The following UBAP2 variants were observed in gnomAD, a reference collection of about 807,000 sequenced individuals.
The protein encoded by UBAP2 is ubiquitin-associated protein 2.
In UBAP2, 75 loss-of-function variants were observed where a neutral mutation model predicts 139.6. That is an observed-to-expected ratio of 0.54 (90% CI 0.45 to 0.65). The LOEUF is 0.65. Among genes scored for constraint, UBAP2 ranks in the 30% least tolerant of loss-of-function variants. The pLI is 0.00. For synonymous variants in UBAP2, 526 were observed against 526.2 expected (o/e 1.00, Z 0.01); for missense variants, 1,368 against 1,369.6 (o/e 1.00, Z 0.02).
At chr9:34,036,804 CTCTTTTTT>C (rs1826416285) in intron 1 of UBAP2, among the ~76,000 whole-genome samples, 1 of 137,886 alleles carries the variant, frequency 7.3e-6, no homozygotes, top group African/African-American at 2.6e-5. Flanking sequence ...TTAAGTTTTT[CTCTTTTTT>C]TTTTTTTTTT....
Position 33,973,232 on chromosome 9 carries a change from C to T in UBAP2, c.526G>A (p.Gly176Arg). The part of the protein sequence containing the change: ...RGKRARGRGF[G>R]RGRGRGAGRF... ...CCTGCCCCTCTCCCTCTGCCACGTC[C>T]AAATCCTTTAAAAAAACACACAATT... Residue 176 changes from glycine to arginine, a missense_variant, in exon 7 of 29, where the codon GGA (glycine) becomes AGA (arginine). Coordinates refer to ENST00000379238, the MANE Select transcript of UBAP2 (RefSeq NM_001370062.2). The T allele has an allele frequency of 6.2e-7, 1 of 1,613,922 alleles. No homozygotes were observed. The highest frequency in any genetic ancestry group is 1.1e-5 in the South Asian group (1 of 91,062).
At position 33,944,360 on chromosome 9, in the gene UBAP2, C is replaced by T. The variant is rs1204556146; in HGVS notation, c.1545+5G>A. On this transcript the variant is annotated splice_donor_5th_base_variant and intron_variant, in intron 14 of 28. Transcript: ENST00000379238. ...AGGACGGTGACTTCATGATGAAATG[C>T]CCACCTTAGAAGCTGGGGGTATCCG... 6.2e-7 allele frequency: 1 copy of T among 1,609,060 alleles called. No homozygotes were observed. Among genetic ancestry groups the T allele is most frequent in the Non-Finnish European group, 8.5e-7 (1 of 1,175,892 alleles).
intron 26 of UBAP2, 44 bp downstream of exon 26, chr9:33,923,142 C>T (rs746944503): frequency 2.0e-5 from 33 of 1,611,774 alleles, no homozygotes; most frequent in Non-Finnish European, 2.7e-5. Flanking sequence ...AGGCAGGAGC[C>T]CACCACTCCA....
At chr9:34,029,912 G>A (rs898747774) in intron 1 of UBAP2, among the ~76,000 whole-genome samples, 23 of 151,546 alleles carry the variant, frequency 1.5e-4, no homozygotes, top group African/African-American at 5.6e-4. Flanking sequence ...GCTTGAACCC[G>A]AGAGGCAGAG....
chr9:34,015,130 C>A (rs1375666076), intron 2 of UBAP2, among the ~76,000 whole-genome samples: 1 of 152,180 alleles, frequency 6.6e-6, no homozygotes, highest in Non-Finnish European at 1.5e-5. Context: ...GCAAGTAAGA[C>A]AAACTGGATA....
Position 33,956,089 on chromosome 9 carries a change from G to A in UBAP2, c.856C>T (p.Pro286Ser), listed in dbSNP as rs932774992. The A allele has an allele frequency of 3.7e-6, 6 of 1,612,600 alleles. No individual in the cohort carries two copies. The African/African-American group carries it at 6.7e-5, about 18-fold the overall frequency. Residue 286 changes from proline to serine, a missense_variant, in exon 11 of 29, where the codon CCT (proline) becomes TCT (serine). Transcript: ENST00000379238. ...SSAPAENHIL[P>S]GQSIDLVALL... ...GCAAAAAGTATTTACCTTTGCCCAG[G>A]TAAGATGTGATTCTCTGCTGGAGCA...
rs777466624 is a variant in UBAP2, at chr9:33,944,450, G to A, written c.1460C>T (p.Thr487Ile). ...VNKLLQLPSTTIENISVSVHQ... is the reference protein window; with the variant it reads ...VNKLLQLPSTIIENISVSVHQ... ...GACAGACACAGAGATATTTTCAATG[G>A]TCGTGCTGGGAAGCTGCAAAAGCTT... is the stretch of plus-strand genomic sequence containing the variant. The change falls in exon 14 of 29, where the codon ACC becomes ATC. Residue 487 changes from threonine (T) to isoleucine (I), a missense_variant. Physicochemically the swap from Thr to Ile is moderately conservative, Grantham distance 89. Transcript: ENST00000379238. 6 of 1,614,056 alleles carry A rather than the reference G, an allele frequency of 3.7e-6. No individual in the cohort carries two copies. The East Asian group carries it at 1.1e-4, about 30-fold the overall frequency.
chr9:33,981,809 T>TGGAAGGGG (rs1820785612), intron 6 of UBAP2, among the ~76,000 whole-genome samples: 1 of 60,786 alleles, frequency 1.6e-5, no homozygotes, highest in Non-Finnish European at 3.2e-5. Flanking sequence ...GAAGGAAGGG[T>TGGAAGGGG]GGAAGGGGGG....
intron 1 of UBAP2, among the ~76,000 whole-genome samples, chr9:34,046,995 C>G (rs1465410654): frequency 1.3e-5 from 2 of 152,100 alleles, no homozygotes; most frequent in African/African-American, 4.8e-5. Flanking sequence ...GCTGATCCAG[C>G]CCACATTTAA....
intron 26 of UBAP2, 63 bp downstream of exon 26, chr9:33,923,123 G>A: frequency 6.2e-7 from 1 of 1,608,982 alleles, no homozygotes; most frequent in East Asian, 2.2e-5. Flanking sequence ...CCCTGCCTGA[G>A]AGGGGATCAG....
intron 4 of UBAP2, among the ~76,000 whole-genome samples, chr9:33,990,132 C>CA (rs1821574266): frequency 6.6e-6 from 1 of 151,950 alleles, no homozygotes; most frequent in Non-Finnish European, 1.5e-5. Flanking sequence ...TAAAAATTAT[C>CA]AAGCAGGGTA....
chr9:33,922,194 G>A lies in UBAP2; in HGVS notation c.*310C>T, dbSNP rs1423187493. On this transcript the variant is annotated 3_prime_UTR_variant, in exon 29 of 29. Transcript: ENST00000379238. ...CCCACTGGGCAGTGCAGGCTGTGAA[G>A]AAGACCTGAAGGCAGATGGGGTGGG... 2.7e-6 allele frequency: 1 copy of A among 367,956 alleles called. No individual in the cohort carries two copies. The highest frequency in any genetic ancestry group is 4.2e-5 in the Admixed American group (1 of 23,820). The allele number at this position is 367,956 out of a possible 1,614,324, so 22.8% of individuals were successfully genotyped here.
chr9:34,032,899 G>C (rs1587691327), intron 1 of UBAP2, among the ~76,000 whole-genome samples: 2 of 139,486 alleles, frequency 1.4e-5, no homozygotes, highest in South Asian at 4.5e-4. Flanking sequence ...CTGGGCAACA[G>C]AGCAAGACCC....
upstream of UBAP2, among the ~76,000 whole-genome samples, chr9:34,049,108 A>C (rs1827892044): frequency 6.6e-6 from 1 of 152,172 alleles, no homozygotes; most frequent in Admixed American, 6.5e-5. Flanking sequence ...AGACTTGATA[A>C]TATGTATTGT....
At chr9:34,022,905 T>C (rs1825085614) in intron 1 of UBAP2, among the ~76,000 whole-genome samples, 1 of 151,174 alleles carries the variant, frequency 6.6e-6, no homozygotes, top group African/African-American at 2.5e-5. Flanking sequence ...GATCTTTTTC[T>C]CACTGTTTAT....
At chr9:33,966,351 C>T (rs904139094) in intron 8 of UBAP2, among the ~76,000 whole-genome samples, 3 of 151,042 alleles carry the variant, frequency 2.0e-5, no homozygotes, top group Non-Finnish European at 4.4e-5. Flanking sequence ...CCTAGCTACT[C>T]GGGAGGCTGA....
chr9:33,924,141 TC>T, intron 23 of UBAP2, 64 bp downstream of exon 23: 1 of 1,598,396 alleles, frequency 6.3e-7, no homozygotes, highest in South Asian at 1.1e-5. Context: ...TGTTGCTGCT[TC>T]CCAGCTCCTG....
At chr9:33,937,876 C>G (rs1422408651) in intron 16 of UBAP2, among the ~76,000 whole-genome samples, 1 of 152,012 alleles carries the variant, frequency 6.6e-6, no homozygotes, top group Non-Finnish European at 1.5e-5. Context: ...GAGCCGGGAC[C>G]GTGGCACTCC....
chr9:34,036,420 A>G (rs1184053826), intron 1 of UBAP2, among the ~76,000 whole-genome samples: 1 of 152,086 alleles, frequency 6.6e-6, no homozygotes, highest in Admixed American at 6.6e-5. Flanking sequence ...CCCAGCCTTG[A>G]TACTTGATTC....
Sources: allele counts gnomAD v4.1 joint callset (sites outside exome capture counted in the v4.1 genomes callset), GRCh38; gene constraint gnomAD v4.1.1; transcripts MANE v1.5; gene names NCBI Gene and HGNC (gene_info 2026-07-23, HGNC 2026-07-21).